APBA1: variants seen among roughly 807,000 people sequenced by gnomAD.
The protein encoded by APBA1 is amyloid beta precursor protein binding family A member 1.
In APBA1, 55 loss-of-function variants were observed where a neutral mutation model predicts 86.6. The ratio of observed to expected loss-of-function variants is 0.64; its 90% CI spans 0.51 to 0.80. The LOEUF (loss-of-function observed/expected upper bound fraction) is 0.80. APBA1 is among the 30% of genes least tolerant of loss of function. The pLI is 0.00. For synonymous variants in APBA1, 511 were observed against 493.9 expected, an observed-to-expected ratio of 1.03 and a Z score of -0.46; for missense variants, 1,090 against 1,183.0, an observed-to-expected ratio of 0.92 and a Z score of 1.15.
intron 1 of APBA1, among the ~76,000 whole-genome samples, chr9:69,619,581 A>T (rs1232000185): frequency 6.6e-6 from 1 of 152,184 alleles, no homozygotes; most frequent in Non-Finnish European, 1.5e-5. Flanking sequence ...GGGCATCATT[A>T]TTACCATTGT....
At chr9:69,607,502 T>C (rs1435498900) in intron 1 of APBA1, among the ~76,000 whole-genome samples, 1 of 152,168 alleles carries the variant, frequency 6.6e-6, no homozygotes, top group African/African-American at 2.4e-5. Flanking sequence ...CATCTACCAT[T>C]ACTGCTAGGA....
chr9:69,538,581 T>A (rs7872660), intron 1 of APBA1, among the ~76,000 whole-genome samples: 1 of 152,066 alleles, frequency 6.6e-6, no homozygotes, highest in Non-Finnish European at 1.5e-5. Context: ...ATCAGTGGTT[T>A]GTGTTACTCA....
At chr9:69,506,424 C>A (rs1372317011) in intron 2 of APBA1, among the ~76,000 whole-genome samples, 1 of 115,808 alleles carries the variant, frequency 8.6e-6, no homozygotes, top group Admixed American at 9.0e-5. Flanking sequence ...CCTACGCCCA[C>A]GGAGTCTCAC....
At chr9:69,658,222 C>CTCTTTCTTTCTTTCTTTCTTTCTT (rs1212486587) in intron 1 of APBA1, among the ~76,000 whole-genome samples, 1 of 104,220 alleles carries the variant, frequency 9.6e-6, no homozygotes, top group African/African-American at 3.1e-5. Context: ...AGTCCTTTCT[C>CTCTTTCTTTCTTTCTTTCTTTCTT]TCTTTCTTTC....
At chr9:69,434,441 C>G (rs898463420) in intron 11 of APBA1, among the ~76,000 whole-genome samples, 8 of 152,032 alleles carry the variant, frequency 5.3e-5, no homozygotes, top group African/African-American at 1.4e-4. Context: ...GTCAAAGGCC[C>G]TGGGAGCCTG....
rs141967418 is a variant in APBA1 at position 69,542,072 on chromosome 9, C to A, written c.-69-24793G>T. On this transcript the variant is annotated intron_variant, in intron 1 of 12. Coordinates refer to ENST00000265381, the MANE Select transcript of APBA1 (RefSeq NM_001163.4). ...TTATAAGGAAACTAATAAACATGTC[C>A]AAAATTATATAATTTCTAAAAATTA... Among the ~76,000 whole-genome samples, 32 of 151,788 alleles carry A rather than the reference C, an allele frequency of 2.1e-4. No individual in the cohort carries two copies. The East Asian group carries it at 6.0e-3, about 28-fold the overall frequency.
intron 1 of APBA1, among the ~76,000 whole-genome samples, chr9:69,635,158 C>T (rs1165780723): frequency 2.0e-5 from 3 of 151,976 alleles, no homozygotes; most frequent in Admixed American, 2.0e-4. Context: ...AAAACTATAA[C>T]AACTTTTCAA....
chr9:69,583,796 G>A (rs1168396340), intron 1 of APBA1, among the ~76,000 whole-genome samples: 3 of 152,132 alleles, frequency 2.0e-5, no homozygotes, highest in Non-Finnish European at 4.4e-5. Flanking sequence ...TAAAAGCTCT[G>A]GCTTTGTAGC....
At chr9:69,460,868 TA>T (rs1185641145) in intron 5 of APBA1, 1 of 152,196 alleles carries the variant, frequency 6.6e-6, no homozygotes, top group African/African-American at 2.4e-5. Flanking sequence ...CAGCTGGGAT[TA>T]CAGGCATGTG....
chr9:69,607,102 G>C (rs1013205388), intron 1 of APBA1, among the ~76,000 whole-genome samples: 1 of 152,104 alleles, frequency 6.6e-6, no homozygotes, highest in Non-Finnish European at 1.5e-5. Context: ...ATCTCTTTGG[G>C]TTGAAAGAAG....
chr9:69,545,621 C>T (rs751856779), intron 1 of APBA1, among the ~76,000 whole-genome samples: 2 of 152,166 alleles, frequency 1.3e-5, no homozygotes, highest in Non-Finnish European at 2.9e-5. Flanking sequence ...TCTGTCTCTC[C>T]CTCTGGATTC....
At chr9:69,515,317 C>T (rs1221425072) in intron 2 of APBA1, among the ~76,000 whole-genome samples, 5 of 151,984 alleles carry the variant, frequency 3.3e-5, no homozygotes. Context: ...CCTCCAGGTG[C>T]GTGAACTTTG....
rs1164865251 is a variant in APBA1 at position 69,590,689 on chromosome 9, AC to A, written c.-69-73411del. 6.6e-5 allele frequency among the ~76,000 whole-genome samples: 10 copies of A among 152,276 alleles called. No individual in the cohort carries two copies. In the East Asian group the frequency reaches 1.5e-3, roughly 24 times the overall value. On this transcript the variant is annotated intron_variant, in intron 1 of 12. Transcript: ENST00000265381. ...ATCACCCTCAATTTCCAGAAAGAGA[AC>A]CGTGCTCTAATGCCCACGAATTGTG...
At chr9:69,584,867 G>C (rs1821987960) in intron 1 of APBA1, among the ~76,000 whole-genome samples, 1 of 152,184 alleles carries the variant, frequency 6.6e-6, no homozygotes, top group African/African-American at 2.4e-5. Flanking sequence ...TGTCCAGGAT[G>C]AATTAGTCAT....
chr9:69,634,977 A>C (rs1277120136), intron 1 of APBA1, among the ~76,000 whole-genome samples: 3 of 152,168 alleles, frequency 2.0e-5, no homozygotes, highest in African/African-American at 7.2e-5. Flanking sequence ...ATGATAAAGA[A>C]AGTACTTCAG....
intron 1 of APBA1, among the ~76,000 whole-genome samples, chr9:69,611,784 G>A (rs1822594310): frequency 6.6e-6 from 1 of 152,136 alleles, no homozygotes; most frequent in African/African-American, 2.4e-5. Flanking sequence ...CACATGTTGT[G>A]TCTACATGGT....
chr9:69,529,683 G>A (rs1836394015), intron 1 of APBA1, among the ~76,000 whole-genome samples: 1 of 152,100 alleles, frequency 6.6e-6, no homozygotes, highest in Admixed American at 6.6e-5. Context: ...CTCAAGGGAA[G>A]ACATGAGCTT....
chr9:69,566,911 C>G lies in APBA1; in HGVS notation c.-69-49632G>C, dbSNP rs569927246. On this transcript the variant is annotated intron_variant, in intron 1 of 12. Transcript: ENST00000265381. Reference sequence around the variant, plus strand: ...GCTGTTTGGTCACAGTCGGCCTCACCCTACTTGTGTGTCAGGGCTGTGAGG... The same window carrying G: ...GCTGTTTGGTCACAGTCGGCCTCACGCTACTTGTGTGTCAGGGCTGTGAGG... Among the ~76,000 whole-genome samples the G allele has an allele frequency of 1.3e-4, 20 of 152,202 alleles. No individual in the cohort carries two copies. In the South Asian group the frequency reaches 4.2e-3, roughly 32 times the overall value.
intron 7 of APBA1, 125 bp from the exon 8 acceptor site, chr9:69,456,557 A>C: frequency 9.9e-7 from 1 of 1,008,868 alleles, no homozygotes; most frequent in Non-Finnish European, 1.4e-6. Context: ...CTCACTGCAA[A>C]GCCCATGCTG....
Sources: allele counts gnomAD v4.1 joint callset (sites outside exome capture counted in the v4.1 genomes callset), GRCh38; gene constraint gnomAD v4.1.1; transcripts MANE v1.5; gene names NCBI Gene and HGNC (gene_info 2026-07-23, HGNC 2026-07-21).